PAPSS2: variants seen among roughly 807,000 people sequenced by gnomAD.
PAPSS2 encodes the protein bifunctional 3'-phosphoadenosine 5'-phosphosulfate synthase 2.
Under a neutral mutation model 66.5 loss-of-function variants are expected in PAPSS2, and 61 were observed. That is an observed-to-expected ratio of 0.92 (90% confidence interval 0.75 to 1.14). The LOEUF is 1.14. PAPSS2 is among the 50% of genes most tolerant of loss of function. The pLI is 0.00. For missense variants in PAPSS2, 708 were observed against 789.6 expected, an observed-to-expected ratio of 0.90 and a Z score of 1.24; for synonymous variants, 289 against 287.5, an observed-to-expected ratio of 1.01 and a Z score of -0.05.
Position 87,714,971 on chromosome 10 carries a change from C to T in PAPSS2, c.640-14C>T. Reference sequence around the variant, plus strand: ...TACAGTTTTCAAGTTTTTACCAATGCTGTTTCATTTCAGAACATTGTACCC... The same window carrying T: ...TACAGTTTTCAAGTTTTTACCAATGTTGTTTCATTTCAGAACATTGTACCC... On this transcript the variant is annotated splice_polypyrimidine_tract_variant and intron_variant, in intron 5 of 12. Coordinates refer to ENST00000456849, the MANE Select transcript of PAPSS2 (RefSeq NM_001015880.2). The T allele has an allele frequency of 6.5e-7, 1 of 1,532,898 alleles. No individual in the cohort carries two copies. Among genetic ancestry groups the T allele is most frequent in the Non-Finnish European group, 9.0e-7 (1 of 1,106,068 alleles). 95.0% of individuals were successfully genotyped at this position (1,532,898 alleles called of 1,614,324 possible).
chr10:87,670,769 G>A (rs984751488), intron 1 of PAPSS2, among the ~76,000 whole-genome samples: 18 of 152,144 alleles, frequency 1.2e-4, no homozygotes, highest in African/African-American at 4.3e-4. Flanking sequence ...CTGTCTAAAG[G>A]ATGTGTTGTC....
At chr10:87,663,435 T>C (rs1168617092) in intron 1 of PAPSS2, among the ~76,000 whole-genome samples, 1 of 151,994 alleles carries the variant, frequency 6.6e-6, no homozygotes, top group Non-Finnish European at 1.5e-5. Context: ...TTTAAAACTA[T>C]ATAAAGACAC....
chr10:87,705,332 A>G (rs567956615), intron 1 of PAPSS2, among the ~76,000 whole-genome samples: 1 of 152,228 alleles, frequency 6.6e-6, no homozygotes, highest in Non-Finnish European at 1.5e-5. Flanking sequence ...GTTATTTTCT[A>G]TTTTCCTATT....
intron 1 of PAPSS2, chr10:87,661,097 C>A: frequency 2.2e-6 from 1 of 447,968 alleles, no homozygotes; most frequent in Middle Eastern, 3.3e-4. Flanking sequence ...TGTGTATTAC[C>A]GAAATATCTT....
At chr10:87,712,991 T>C (rs1300279293) in intron 2 of PAPSS2, 84 bp from the exon 3 acceptor site, 5 of 778,498 alleles carry the variant, frequency 6.4e-6, no homozygotes, top group Admixed American at 1.9e-5. Flanking sequence ...GATTTAGTTA[T>C]ATTTAAAATT....
In PAPSS2 at chr10:87,659,902, T is replaced by TGCTGCTGCTGCC. The variant is rs1384729745; in HGVS notation, c.-75_-74insTGCTGCCGCTGC. ...CAGCCGCTGCTGCTGCTGCTGCTGC[T>TGCTGCTGCTGCC]GCTGCCGCCGCCGCCGCCGCCGTCC... On this transcript the variant is annotated 5_prime_UTR_variant, in exon 1 of 13. Transcript: ENST00000456849. 2 of 1,446,510 alleles carry TGCTGCTGCTGCC rather than the reference T, an allele frequency of 1.4e-6. No individual in the cohort carries two copies. The highest frequency in any genetic ancestry group is 2.8e-5 in the African/African-American group (2 of 71,424). The allele number at this position is 1,446,510 out of a possible 1,614,324, so 89.6% of individuals were successfully genotyped here.
intron 9 of PAPSS2, among the ~76,000 whole-genome samples, chr10:87,738,526 C>A (rs1199589445): frequency 6.6e-6 from 1 of 152,170 alleles, no homozygotes; most frequent in Non-Finnish European, 1.5e-5. Flanking sequence ...CCTCCCACCT[C>A]AGCCTGCTGA....
At chr10:87,703,288 T>C (rs1295991336) in intron 1 of PAPSS2, among the ~76,000 whole-genome samples, 1 of 109,594 alleles carries the variant, frequency 9.1e-6, no homozygotes, top group African/African-American at 3.4e-5. Context: ...TGTGTGTGTG[T>C]GTGTGTGTGT....
At chr10:87,737,559 C>T (rs571781331) in intron 9 of PAPSS2, among the ~76,000 whole-genome samples, 4 of 152,214 alleles carry the variant, frequency 2.6e-5, no homozygotes, top group South Asian at 2.1e-4. Context: ...TGGTGGCTCA[C>T]GCTTGTAATC....
Position 87,743,537 on chromosome 10 carries a change from C to A in PAPSS2, c.1387C>A (p.Arg463=). 2 of 1,614,096 alleles carry A rather than the reference C, an allele frequency of 1.2e-6. No individual in the cohort carries two copies. Among genetic ancestry groups the A allele is most frequent in the Non-Finnish European group, 1.7e-6 (2 of 1,180,010 alleles). The change falls in exon 11 of 13, where the codon CGG becomes AGG. Residue 463 remains arginine (R), a synonymous_variant. Transcript: ENST00000456849. ...TKDDDVPLDW[R]MKQHAAVLEE... ...GGATGACGATGTGCCTCTAGACTGG[C>A]GGATGAAGCAGCACGCGGCTGTGCT...
intron 1 of PAPSS2, among the ~76,000 whole-genome samples, chr10:87,665,874 C>CTTACT (rs1852810122): frequency 6.6e-6 from 1 of 152,128 alleles, no homozygotes; most frequent in Non-Finnish European, 1.5e-5. Flanking sequence ...TGCCTCTCTG[C>CTTACT]TTACTTATCT....
At position 87,686,978 on chromosome 10, in the gene PAPSS2, C is replaced by T. The variant is rs11815303; in HGVS notation, c.28-22218C>T. On this transcript the variant is annotated intron_variant, in intron 1 of 12. Transcript: ENST00000456849. ...AGGACATCCAGCTAAATTTGAACTT[C>T]AGACAAACAAGAAATACTTTTTTGA... Among the ~76,000 whole-genome samples the T allele has an allele frequency of 8.3e-3, 1,264 of 152,250 alleles. 17 individuals are homozygous for T. Among genetic ancestry groups the T allele is most frequent in the African/African-American group, 0.029 (1,199 of 41,546 alleles).
chr10:87,731,307 A>C (rs1295055323), intron 9 of PAPSS2, among the ~76,000 whole-genome samples: 2 of 152,200 alleles, frequency 1.3e-5, no homozygotes, highest in East Asian at 3.8e-4. Flanking sequence ...TAAGCCCACT[A>C]TTGAGACCGA....
intron 9 of PAPSS2, among the ~76,000 whole-genome samples, chr10:87,732,427 G>A (rs931083112): frequency 7.9e-5 from 12 of 152,102 alleles, no homozygotes; most frequent in African/African-American, 2.9e-4. Flanking sequence ...GGAGGCTGAG[G>A]TGGGAGGATC....
In PAPSS2 at chr10:87,736,624, G is replaced by C. The variant is rs547363003; in HGVS notation, c.1087-4611G>C. 3.9e-5 allele frequency among the ~76,000 whole-genome samples: 6 copies of C among 152,044 alleles called. 1 individual carries two copies. The highest frequency in any genetic ancestry group is 1.5e-4 in the African/African-American group (6 of 41,374). The stretch of plus-strand genomic sequence containing the variant: ...CAACCCTGGCTTACCCCTAACATTT[G>C]TGGGGCCCAGAGCAAGAATACAAAT... On this transcript the variant is annotated intron_variant, in intron 9 of 12. Coordinates refer to ENST00000456849, the MANE Select transcript of PAPSS2 (RefSeq NM_001015880.2).
chr10:87,686,669 G>A (rs1166758829), intron 1 of PAPSS2, among the ~76,000 whole-genome samples: 6 of 152,126 alleles, frequency 3.9e-5, no homozygotes, highest in African/African-American at 1.2e-4. Flanking sequence ...ACTGGTTGTC[G>A]ACTCATGAGA....
chr10:87,681,489 G>T (rs1853020692), intron 1 of PAPSS2, among the ~76,000 whole-genome samples: 2 of 152,300 alleles, frequency 1.3e-5, no homozygotes, highest in South Asian at 2.1e-4. Flanking sequence ...AGTGAAATGG[G>T]CTAAGTCAAG....
rs897894117 is a variant in PAPSS2 at position 87,743,307 on chromosome 10, C to A, written c.1223-66C>A. 3 of 1,475,200 alleles carry A rather than the reference C, an allele frequency of 2.0e-6. 1 individual carries two copies. In the East Asian group the frequency reaches 6.8e-5, roughly 33 times the overall value. 91.4% of individuals were successfully genotyped at this position (1,475,200 alleles called of 1,614,324 possible). Reference sequence around the variant, plus strand: ...AACAATAAACATAGCTGTGTCCTTTCTGTTCTTGTGGAGAAATGACACCAT... The same window carrying A: ...AACAATAAACATAGCTGTGTCCTTTATGTTCTTGTGGAGAAATGACACCAT... On this transcript the variant is annotated intron_variant, in intron 10 of 12. Coordinates refer to ENST00000456849, the MANE Select transcript of PAPSS2 (RefSeq NM_001015880.2).
chr10:87,729,901 CA>C (rs1853707715), intron 9 of PAPSS2, among the ~76,000 whole-genome samples: 1 of 152,098 alleles, frequency 6.6e-6, no homozygotes, highest in South Asian at 2.1e-4. Flanking sequence ...GAGCTTGAGG[CA>C]GGAGAATCGC....
Sources: allele counts gnomAD v4.1 joint callset (sites outside exome capture counted in the v4.1 genomes callset), GRCh38; gene constraint gnomAD v4.1.1; transcripts MANE v1.5; gene names NCBI Gene and HGNC (gene_info 2026-07-23, HGNC 2026-07-21).